UGT1A10: variants seen among roughly 807,000 people sequenced by gnomAD.
UGT1A10 encodes UDP-glucuronosyltransferase 1A10.
Under a neutral mutation model 45.8 loss-of-function variants are expected in UGT1A10, and 49 were observed. That is an observed-to-expected ratio of 1.07 (90% confidence interval 0.85 to 1.36). UGT1A10 has a LOEUF of 1.36. UGT1A10 is among the 40% of genes most tolerant of loss of function. UGT1A10 has a pLI of 0.00. For missense variants in UGT1A10, 745 were observed against 668.6 expected (o/e 1.11, Z -1.26); for synonymous variants, 284 against 249.7 (o/e 1.14, Z -1.29).
chr2:233,757,096 G>T (rs1286563968), intron 1 of UGT1A10, among the ~76,000 whole-genome samples: 1 of 151,374 alleles, frequency 6.6e-6, no homozygotes, highest in Non-Finnish European at 1.5e-5. Flanking sequence ...GAGGCAGAGG[G>T]AGGGGGCAAG....
chr2:233,734,278 T>A (rs2078507022), intron 1 of UGT1A10, among the ~76,000 whole-genome samples: 1 of 152,194 alleles, frequency 6.6e-6, no homozygotes, highest in Admixed American at 6.5e-5. Flanking sequence ...CAGGAATTTA[T>A]CCATTTCTTC....
chr2:233,761,781 G>A (rs527861889), intron 1 of UGT1A10, among the ~76,000 whole-genome samples: 8 of 152,266 alleles, frequency 5.3e-5, no homozygotes, highest in South Asian at 2.1e-4. Flanking sequence ...CATCCTCATC[G>A]AAATCTCAGC....
chr2:233,747,864 C>G, intron 1 of UGT1A10: 2 of 1,613,576 alleles, frequency 1.2e-6, no homozygotes, highest in South Asian at 2.2e-5. Context: ...GCTCTACCCT[C>G]TGGCCCTGTC....
intron 1 of UGT1A10, among the ~76,000 whole-genome samples, chr2:233,681,407 G>A (rs761817617): frequency 4.4e-4 from 66 of 151,622 alleles, no homozygotes; most frequent in Non-Finnish European, 6.8e-4. Context: ...GGCAGCGTGC[G>A]CCTGTAATCC....
rs576537163 is a variant in UGT1A10 at position 233,710,782 on chromosome 2, G to A, written c.856-56252G>A. On this transcript the variant is annotated intron_variant, in intron 1 of 4. Transcript: ENST00000344644. Reference sequence around the variant, plus strand: ...TTTGATTAAGTCAATTTTAGCAAACGTTTTGTGTTTTGTACCCCTCGTGCC... The same window carrying A: ...TTTGATTAAGTCAATTTTAGCAAACATTTTGTGTTTTGTACCCCTCGTGCC... Among the ~76,000 whole-genome samples the A allele has an allele frequency of 3.3e-5, 5 of 152,292 alleles. No individual in the cohort carries two copies. In the South Asian group the frequency reaches 8.3e-4, roughly 25 times the overall value.
chr2:233,698,061 G>A (rs1449377967), intron 1 of UGT1A10, among the ~76,000 whole-genome samples: 1 of 152,128 alleles, frequency 6.6e-6, no homozygotes, highest in Non-Finnish European at 1.5e-5. Context: ...CAGTTATATT[G>A]AGAAACTGGG....
At chr2:233,702,860 C>G (rs1007484594) in intron 1 of UGT1A10, among the ~76,000 whole-genome samples, 6 of 152,102 alleles carry the variant, frequency 3.9e-5, no homozygotes, top group Non-Finnish European at 7.4e-5. Flanking sequence ...TTTGGTTTGA[C>G]AGCATTTTAT....
At chr2:233,693,592 C>A (rs1176856188) in intron 1 of UGT1A10, 1 of 1,614,232 alleles carries the variant, frequency 6.2e-7, no homozygotes, top group South Asian at 1.1e-5. Flanking sequence ...CCAGGTGCTA[C>A]ACAAAGTTTT....
chr2:233,749,337 T>C (rs10179091), intron 1 of UGT1A10, among the ~76,000 whole-genome samples: 73,841 of 151,468 alleles, frequency 0.49, 18,755 homozygotes, highest in South Asian at 0.6. Context: ...TGTTGAAAAG[T>C]GGGATGGAAT....
intron 1 of UGT1A10, chr2:233,755,784 A>C (rs1162411110): frequency 6.6e-6 from 1 of 152,660 alleles, no homozygotes; most frequent in Non-Finnish European, 1.5e-5. Context: ...TATGCCTATC[A>C]TATGTACTGC....
At chr2:233,708,544 G>A (rs1488651265) in intron 1 of UGT1A10, 1 of 152,200 alleles carries the variant, frequency 6.6e-6, no homozygotes, top group Non-Finnish European at 1.5e-5. Context: ...TTGAGCCCAG[G>A]AGTTTGAGAC....
chr2:233,765,218 C>T (rs1413075025), intron 1 of UGT1A10, among the ~76,000 whole-genome samples: 1 of 152,118 alleles, frequency 6.6e-6, no homozygotes, highest in African/African-American at 2.4e-5. Flanking sequence ...GTATTCTTTG[C>T]AAACATAAAA....
At position 233,772,345 on chromosome 2, in the gene UGT1A10, A is replaced by G. The variant is rs72551358; in HGVS notation, c.1379A>G (p.Glu460Gly). 4 of 1,614,196 alleles carry G rather than the reference A, an allele frequency of 2.5e-6. No homozygotes were observed. The highest frequency in any genetic ancestry group is 3.4e-6 in the Non-Finnish European group (4 of 1,180,040). The change falls in exon 5 of 5, where the codon GAG becomes GGG. Residue 460 changes from glutamate (E) to glycine (G), a missense_variant. Glu to Gly is a moderately conservative substitution (Grantham distance 98, BLOSUM62 -2). Transcript: ENST00000344644. ...CTGGACCTGGCCGTGTTCTGGGTGG[A>G]GTTTGTGATGAGGCACAAGGGCGCG... The part of the protein sequence containing the change: ...EPLDLAVFWV[E>G]FVMRHKGAPH...
At chr2:233,742,758 T>A (rs1302155264) in intron 1 of UGT1A10, 3 of 153,094 alleles carry the variant, frequency 2.0e-5, no homozygotes, top group African/African-American at 7.3e-5. Context: ...AATATTAAGA[T>A]AATAAATGCA....
chr2:233,739,185 T>C (rs1265092555), intron 1 of UGT1A10: 3 of 152,264 alleles, frequency 2.0e-5, no homozygotes, highest in Admixed American at 2.0e-4. Context: ...AATGCTTGGA[T>C]GTCCAGGCAG....
chr2:233,651,637 A>G (rs916687199), intron 1 of UGT1A10, among the ~76,000 whole-genome samples: 2 of 152,190 alleles, frequency 1.3e-5, no homozygotes, highest in Admixed American at 6.5e-5. Flanking sequence ...AGACCTATGG[A>G]CACTGGATTT....
chr2:233,760,473 T>TGAC, intron 1 of UGT1A10: 1 of 1,614,230 alleles, frequency 6.2e-7, no homozygotes, highest in Non-Finnish European at 8.5e-7. Context: ...TCCTAGCACC[T>TGAC]GACGCCTCGT....
At chr2:233,709,425 C>T (rs1055346708) in intron 1 of UGT1A10, among the ~76,000 whole-genome samples, 1 of 152,240 alleles carries the variant, frequency 6.6e-6, no homozygotes, top group African/African-American at 2.4e-5. Context: ...AGAATGTCCT[C>T]CAGAAAGGAT....
intron 1 of UGT1A10, among the ~76,000 whole-genome samples, chr2:233,711,498 C>T (rs1471685186): frequency 1.3e-5 from 2 of 152,172 alleles, no homozygotes; most frequent in African/African-American, 4.8e-5. Context: ...AGCTGAGAAT[C>T]CCTTTCTAGC....
Sources: allele counts gnomAD v4.1 joint callset (sites outside exome capture counted in the v4.1 genomes callset), GRCh38; gene constraint gnomAD v4.1.1; transcripts MANE v1.5; gene names NCBI Gene and HGNC (gene_info 2026-07-23, HGNC 2026-07-21).